Variants in USP26 observed in about 807,000 individuals in gnomAD.
USP26 encodes the protein ubiquitin specific peptidase 26.
For synonymous variants in USP26, 236 were observed against 240.6 expected, an observed-to-expected ratio of 0.98 and a Z score of 0.18; for missense variants, 649 against 642.3, an observed-to-expected ratio of 1.01 and a Z score of -0.11.
intron 1 of USP26, among the ~76,000 whole-genome samples, chrX:133,095,810 T>C (rs758707035): frequency 1.1e-4 from 12 of 111,456 alleles, no homozygotes; most frequent in African/African-American, 3.9e-4. Context: ...AGTGGCACAA[T>C]TTCGGCTCAC....
At chrX:133,064,560 G>A (rs769170702) in intron 5 of USP26, among the ~76,000 whole-genome samples, 1 of 111,859 alleles carries the variant, frequency 8.9e-6, no homozygotes, top group Admixed American at 9.5e-5. Flanking sequence ...TAGAACTCAG[G>A]ATTAAGAAAC....
At chrX:133,090,068 G>A (rs2067601874) in intron 4 of USP26, 45 bp downstream of exon 4, 2 of 111,477 alleles carry the variant, frequency 1.8e-5, no homozygotes, top group South Asian at 7.6e-4. Context: ...AGAACAGCCA[G>A]GAGTTCTACA....
chrX:133,068,537 C>A (rs1247762984), intron 5 of USP26, among the ~76,000 whole-genome samples: 1 of 112,944 alleles, frequency 8.9e-6, no homozygotes, highest in East Asian at 2.7e-4. Context: ...AGAAGCCTCA[C>A]CCTTCTCTCA....
rs937717428 is a variant in USP26 at position 133,023,431 on chromosome X, T to C, written c.*2048A>G. Among the ~76,000 whole-genome samples, 2 of 111,747 alleles carry C rather than the reference T, an allele frequency of 1.8e-5. No homozygotes were observed. The highest frequency in any genetic ancestry group is 3.8e-5 in the Non-Finnish European group (2 of 53,193). On this transcript the variant is annotated 3_prime_UTR_variant, in exon 6 of 6. Transcript: ENST00000511190. ...CACACTCCTTTCAAAACAAAACAACTTTCCTTCATTCTTACCAAAATCCTG... is the reference window on the plus strand; with the variant it reads ...CACACTCCTTTCAAAACAAAACAACCTTCCTTCATTCTTACCAAAATCCTG...
At chrX:133,028,360 T>A in intron 5 of USP26, 64 bp from the exon 6 acceptor site, 2 of 737,629 alleles carry the variant, frequency 2.7e-6, no homozygotes, top group Non-Finnish European at 4.0e-6. Flanking sequence ...CTATTTCTAG[T>A]ATTGGTTTTA....
intron 5 of USP26, among the ~76,000 whole-genome samples, chrX:133,028,516 A>G (rs1381443498): frequency 8.9e-6 from 1 of 111,912 alleles, no homozygotes; most frequent in African/African-American, 3.2e-5. Context: ...CATTCTTTAA[A>G]CTATTACAGA....
At chrX:133,053,774 T>C (rs906534727) in intron 5 of USP26, among the ~76,000 whole-genome samples, 4 of 111,761 alleles carry the variant, frequency 3.6e-5, no homozygotes, top group African/African-American at 1.3e-4. Context: ...TTGGTGATGA[T>C]GGGATATAAG....
At chrX:133,028,830 C>T (rs186809271) in intron 5 of USP26, among the ~76,000 whole-genome samples, 17 of 112,087 alleles carry the variant, frequency 1.5e-4, no homozygotes, top group Admixed American at 4.7e-4. Context: ...TCTAGAGGAT[C>T]TCATATATGG....
intron 5 of USP26, among the ~76,000 whole-genome samples, chrX:133,062,708 T>A (rs1469031673): frequency 2.8e-5 from 3 of 107,450 alleles, no homozygotes; most frequent in African/African-American, 1.0e-4. Flanking sequence ...AGCAATAACA[T>A]CCACATCAAC....
chrX:133,034,860 CA>C (rs11432441), intron 5 of USP26, among the ~76,000 whole-genome samples: 1,527 of 97,812 alleles, frequency 0.016, 14 homozygotes, highest in African/African-American at 0.044. Context: ...ATGTCTCTTA[CA>C]AAAAAAAAAA....
intron 5 of USP26, among the ~76,000 whole-genome samples, chrX:133,058,390 G>A (rs1188173852): frequency 9.0e-6 from 1 of 111,582 alleles, no homozygotes; most frequent in Non-Finnish European, 1.9e-5. Context: ...AAACCTCCAA[G>A]TATAAATAGT....
In USP26 at chrX:133,024,379, G is replaced by A. The variant is rs2148524191; in HGVS notation, c.*1100C>T. On this transcript the variant is annotated 3_prime_UTR_variant, in exon 6 of 6. Transcript: ENST00000511190. ...TCCAGGTAAACAAAGTTCCTCTGAGGCAATGAAAGTGCCCCTCTAAGAAAA... is the reference window on the plus strand; with the variant it reads ...TCCAGGTAAACAAAGTTCCTCTGAGACAATGAAAGTGCCCCTCTAAGAAAA... Among the ~76,000 whole-genome samples the A allele has an allele frequency of 8.9e-6, 1 of 111,747 alleles. No individual in the cohort carries two copies. The highest frequency in any genetic ancestry group is 1.9e-5 in the Non-Finnish European group (1 of 53,175).
chrX:133,076,160 A>G (rs1173272451), intron 5 of USP26, among the ~76,000 whole-genome samples: 2 of 111,392 alleles, frequency 1.8e-5, no homozygotes, highest in African/African-American at 6.5e-5. Context: ...ATTTTCAAAC[A>G]TGCAGTCTCT....
intron 5 of USP26, among the ~76,000 whole-genome samples, chrX:133,044,457 GC>G (rs1272170463): frequency 2.6e-5 from 3 of 113,438 alleles, no homozygotes; most frequent in Non-Finnish European, 5.6e-5. Context: ...GGCTTGGCAG[GC>G]CCTGCACTCA....
chrX:133,046,414 AG>A (rs755279532), intron 5 of USP26, among the ~76,000 whole-genome samples: 1 of 112,230 alleles, frequency 8.9e-6, no homozygotes, highest in Non-Finnish European at 1.9e-5. Flanking sequence ...TCTTATCTAA[AG>A]GATCAGTCTC....
At chrX:133,056,592 T>A (rs1438059137) in intron 5 of USP26, among the ~76,000 whole-genome samples, 1 of 111,525 alleles carries the variant, frequency 9.0e-6, no homozygotes, top group African/African-American at 3.3e-5. Context: ...TCATCCTTAA[T>A]GTAAATTTTA....
At chrX:133,044,702 G>A (rs1025846079) in intron 5 of USP26, among the ~76,000 whole-genome samples, 7 of 113,042 alleles carry the variant, frequency 6.2e-5, no homozygotes, top group Non-Finnish European at 9.4e-5. Context: ...CCTCCCCGAC[G>A]AGCGTCACCC....
intron 5 of USP26, among the ~76,000 whole-genome samples, chrX:133,038,954 G>T (rs1005219941): frequency 8.9e-6 from 1 of 112,090 alleles, no homozygotes; most frequent in African/African-American, 3.2e-5. Flanking sequence ...CTGTGTAGAG[G>T]TGTTTATAGT....
intron 5 of USP26, among the ~76,000 whole-genome samples, chrX:133,035,875 G>A (rs990788637): frequency 8.9e-6 from 1 of 112,189 alleles, no homozygotes; most frequent in Non-Finnish European, 1.9e-5. Context: ...AGTACCAGTT[G>A]AGGCTGAGTG....
Sources: allele counts gnomAD v4.1 joint callset (sites outside exome capture counted in the v4.1 genomes callset), GRCh38; gene constraint gnomAD v4.1.1; transcripts MANE v1.5; gene names NCBI Gene and HGNC (gene_info 2026-07-23, HGNC 2026-07-21).